ZBTB20: variants seen among roughly 807,000 people sequenced by gnomAD.
ZBTB20 encodes the protein zinc finger and BTB domain containing 20.
A neutral mutation model predicts 56.9 loss-of-function variants in ZBTB20; 9 were observed. That is an observed-to-expected ratio of 0.16 (90% CI 0.10 to 0.28). ZBTB20 has a LOEUF of 0.28. Ranked by LOEUF, ZBTB20 falls within the 10% of genes least tolerant of loss-of-function variation. The probability of loss-of-function intolerance (pLI) is 1.00; values close to 1 mark genes in which losing one functional copy is unlikely to be tolerated. For missense variants in ZBTB20, 655 were observed against 1,003.0 expected (o/e 0.65, Z 4.69); for synonymous variants, 417 against 420.7 (o/e 0.99, Z 0.11).
intron 6 of ZBTB20, among the ~76,000 whole-genome samples, chr3:114,531,767 C>T (rs1470312576): frequency 2.0e-5 from 3 of 152,200 alleles, no homozygotes; most frequent in African/African-American, 7.2e-5. Flanking sequence ...CAGGTGATTT[C>T]TGCATTTCCA....
chr3:114,737,276 T>C (rs1299235203), intron 5 of ZBTB20, among the ~76,000 whole-genome samples: 1 of 152,210 alleles, frequency 6.6e-6, no homozygotes, highest in Non-Finnish European at 1.5e-5. Flanking sequence ...TGGTTTACTG[T>C]AAAGATGAAT....
chr3:115,103,944 ATGCATCTCATAAAGGAC>A (rs1176502394), intron 1 of ZBTB20, among the ~76,000 whole-genome samples: 2 of 152,352 alleles, frequency 1.3e-5, no homozygotes, highest in Admixed American at 1.3e-4. Context: ...TTTGCAAAAG[ATGCATCTCATAAAGGAC>A]TGTTATCTAA....
Position 114,380,236 on chromosome 3 carries a change from A to T in ZBTB20, c.180T>A (p.Ala60=). 2 of 1,536,804 alleles carry T rather than the reference A, an allele frequency of 1.3e-6. No homozygotes were observed. The highest frequency in any genetic ancestry group is 1.7e-6 in the Non-Finnish European group (2 of 1,146,698). The part of the protein sequence containing the change: ...HSTHSLTNSH[A]HTGSSDCDIS... ...ACTCACAATCAGATGACCCGGTGTG[A>T]GCGTGAGAGTTTGTCAGTGAATGTG... The change falls in exon 10 of 12, where the codon GCT becomes GCA. Residue 60 remains alanine (A), a synonymous_variant. Transcript: ENST00000675478.
chr3:114,783,919 T>A lies in ZBTB20; in HGVS notation c.-343+17182A>T, dbSNP rs192753593. ...AAGAGTAAAATCTTGTTTGGACTAG[T>A]ATATTGAACAAAAACCACATAGGAG... On this transcript the variant is annotated intron_variant, in intron 5 of 11. Coordinates refer to ENST00000675478, the MANE Select transcript of ZBTB20 (RefSeq NM_001348800.3). Among the ~76,000 whole-genome samples the A allele has an allele frequency of 5.3e-4, 80 of 152,212 alleles. 1 individual carries two copies. The East Asian group carries it at 0.013, about 24-fold the overall frequency.
At chr3:114,982,854 T>C (rs1338089176) in intron 2 of ZBTB20, among the ~76,000 whole-genome samples, 1 of 152,042 alleles carries the variant, frequency 6.6e-6, no homozygotes, top group Non-Finnish European at 1.5e-5. Context: ...TAGACTTTTA[T>C]GAAGAAATTC....
At chr3:114,861,715 ACACACC>A (rs754210464) in intron 4 of ZBTB20, 10 of 61,782 alleles carry the variant, frequency 1.6e-4, no homozygotes, top group East Asian at 1.9e-3. Flanking sequence ...ACACACACAC[ACACACC>A]CCCCAAAAAC....
rs1204583232 is a variant in ZBTB20, at chr3:114,338,429, C to A, written c.*576G>T. 6.6e-6 allele frequency: 1 copy of A among 152,150 alleles called. No homozygotes were observed. Among genetic ancestry groups the A allele is most frequent in the Non-Finnish European group, 1.5e-5 (1 of 68,048 alleles). The allele number at this position is 152,150 out of a possible 1,614,324, so 9.4% of individuals were successfully genotyped here. A position where few individuals can be genotyped will look rare whatever the true frequency, so the allele number is the denominator to read the frequency against. On this transcript the variant is annotated 3_prime_UTR_variant, in exon 12 of 12. Coordinates refer to ENST00000675478, the MANE Select transcript of ZBTB20 (RefSeq NM_001348800.3). The stretch of plus-strand genomic sequence containing the variant: ...CCCACTGCCCTTCCCACCCCCACAG[C>A]CCTTTTATGAAATCAGACAACGTGG...
chr3:114,638,744 T>C (rs2059406022), intron 6 of ZBTB20, among the ~76,000 whole-genome samples: 1 of 152,096 alleles, frequency 6.6e-6, no homozygotes, highest in Non-Finnish European at 1.5e-5. Context: ...TAAAAAATTA[T>C]ATGACAAAAA....
At chr3:115,139,908 T>C (rs956535625) in intron 1 of ZBTB20, among the ~76,000 whole-genome samples, 5 of 152,154 alleles carry the variant, frequency 3.3e-5, no homozygotes, top group African/African-American at 1.2e-4. Flanking sequence ...AAGTACTTAA[T>C]ATCATATATC....
intron 5 of ZBTB20, among the ~76,000 whole-genome samples, chr3:114,776,130 G>A (rs16823223): frequency 4.6e-5 from 7 of 151,196 alleles, no homozygotes; most frequent in East Asian, 3.9e-4. Flanking sequence ...CAGTGCTAGC[G>A]GAAAGGAGAA....
At chr3:114,990,314 G>A (rs939606660) in intron 2 of ZBTB20, among the ~76,000 whole-genome samples, 10 of 151,998 alleles carry the variant, frequency 6.6e-5, no homozygotes, top group African/African-American at 2.4e-4. Context: ...TAGCATGAAG[G>A]GTTGTTGAAT....
intron 4 of ZBTB20, among the ~76,000 whole-genome samples, chr3:114,851,011 A>G (rs1420655919): frequency 6.6e-6 from 1 of 152,228 alleles, no homozygotes; most frequent in African/African-American, 2.4e-5. Context: ...CAAGCCCAGA[A>G]ACCAGGGCTG....
chr3:114,585,181 T>C (rs2055053581), intron 6 of ZBTB20, among the ~76,000 whole-genome samples: 1 of 151,804 alleles, frequency 6.6e-6, no homozygotes, highest in Non-Finnish European at 1.5e-5. Context: ...AGTGTAGGAG[T>C]ACTCCCTGCT....
intron 3 of ZBTB20, among the ~76,000 whole-genome samples, chr3:114,929,612 A>G (rs1273236955): frequency 6.6e-6 from 1 of 152,236 alleles, no homozygotes; most frequent in Non-Finnish European, 1.5e-5. Flanking sequence ...TTAAACCTGA[A>G]GATAAGGACA....
At chr3:114,906,400 T>A (rs2075318623) in intron 3 of ZBTB20, among the ~76,000 whole-genome samples, 1 of 151,672 alleles carries the variant, frequency 6.6e-6, no homozygotes, top group South Asian at 2.1e-4. Context: ...AGGATGAAGG[T>A]ATAGTACCTA....
intron 7 of ZBTB20, among the ~76,000 whole-genome samples, chr3:114,406,569 G>A (rs1413958414): frequency 2.6e-5 from 4 of 152,010 alleles, no homozygotes; most frequent in African/African-American, 9.7e-5. Context: ...CGCCTTACTC[G>A]AGATGACAAC....
chr3:115,012,315 T>C (rs779741380), intron 2 of ZBTB20, among the ~76,000 whole-genome samples: 34 of 151,744 alleles, frequency 2.2e-4, no homozygotes, highest in Admixed American at 3.9e-4. Context: ...ATCTGTTGCC[T>C]ATAAGAACAC....
intron 4 of ZBTB20, among the ~76,000 whole-genome samples, chr3:114,859,770 A>G (rs2075428251): frequency 6.6e-6 from 1 of 152,156 alleles, no homozygotes; most frequent in Non-Finnish European, 1.5e-5. Flanking sequence ...AGAGCAAACG[A>G]CAGTACAGTA....
At chr3:114,937,486 A>G (rs1424227897) in intron 3 of ZBTB20, among the ~76,000 whole-genome samples, 3 of 151,164 alleles carry the variant, frequency 2.0e-5, no homozygotes, top group African/African-American at 7.3e-5. Context: ...CCGGGGCGCA[A>G]TCTCGGCTCA....
Sources: gnomAD v4.1 joint callset for allele counts (sites outside exome capture counted in the v4.1 genomes callset) on GRCh38, gnomAD v4.1.1 for gene constraint, MANE v1.5 for transcripts, NCBI Gene and HGNC (gene_info 2026-07-23, HGNC 2026-07-21) for gene names.